The following NTM variants were observed in gnomAD, a reference collection of about 807,000 sequenced individuals.
NTM encodes neurotrimin, also known as IgLON family member 2.
A neutral mutation model predicts 42.1 loss-of-function variants in NTM; 13 were observed. That is an observed-to-expected ratio of 0.31 (90% CI 0.20 to 0.49). The LOEUF (loss-of-function observed/expected upper bound fraction) is 0.49, where lower values mean the gene tolerates loss of function less well. NTM is among the 20% of genes least tolerant of loss of function. The pLI, the probability that NTM is intolerant of heterozygous loss-of-function variation, is 0.99. For synonymous variants in NTM, 187 were observed against 179.2 expected (o/e 1.04, Z -0.35); for missense variants, 373 against 452.8 (o/e 0.82, Z 1.60).
In NTM at chr11:131,994,835, G is replaced by A. The variant is rs75813052; in HGVS notation, c.167+83187G>A. ...CCTCATATTAACAAGGCCCAAACTG[G>A]ACTCTGTATCCAACTTCATATTCTG... On this transcript the variant is annotated intron_variant, in intron 2 of 8. Transcript: ENST00000683400. Among the ~76,000 whole-genome samples, 516 of 152,090 alleles carry A rather than the reference G, an allele frequency of 3.4e-3. 7 individuals carry two copies. Among genetic ancestry groups the A allele is most frequent in the African/African-American group, 0.012 (493 of 41,500 alleles).
intron 1 of NTM, among the ~76,000 whole-genome samples, chr11:131,622,874 T>G (rs2062719706): frequency 6.6e-6 from 1 of 152,198 alleles, no homozygotes; most frequent in African/African-American, 2.4e-5. Flanking sequence ...GCCAACATCA[T>G]GATTTTGCAT....
At chr11:131,489,803 A>T (rs1022126105) in intron 1 of NTM, among the ~76,000 whole-genome samples, 1 of 152,224 alleles carries the variant, frequency 6.6e-6, no homozygotes, top group Non-Finnish European at 1.5e-5. Flanking sequence ...TTCACAATGT[A>T]TTCACTTACC....
chr11:132,178,039 G>A (rs758003943), intron 3 of NTM, among the ~76,000 whole-genome samples: 20 of 152,108 alleles, frequency 1.3e-4, no homozygotes, highest in Non-Finnish European at 2.1e-4. Flanking sequence ...TTGCTGAATC[G>A]CTCACATGAA....
intron 3 of NTM, 122 bp from the exon 4 acceptor site, chr11:132,211,900 T>G: frequency 1.2e-6 from 1 of 839,158 alleles, no homozygotes; most frequent in Non-Finnish European, 1.7e-6. Context: ...TCTAATTTCT[T>G]ATCGTTAACT....
At chr11:132,159,178 C>G (rs1157108657) in intron 3 of NTM, among the ~76,000 whole-genome samples, 1 of 152,144 alleles carries the variant, frequency 6.6e-6, no homozygotes, top group Non-Finnish European at 1.5e-5. Flanking sequence ...GACCAGGAGA[C>G]CCCCCTCTCT....
intron 1 of NTM, among the ~76,000 whole-genome samples, chr11:131,630,286 C>T (rs1277092393): frequency 6.6e-6 from 1 of 152,100 alleles, no homozygotes; most frequent in Non-Finnish European, 1.5e-5. Flanking sequence ...ATCTGATATT[C>T]CCAGGAGTAG....
intron 1 of NTM, among the ~76,000 whole-genome samples, chr11:131,597,693 G>A (rs1009032272): frequency 3.9e-5 from 6 of 152,214 alleles, no homozygotes; most frequent in African/African-American, 1.4e-4. Flanking sequence ...GTGCCCCAGA[G>A]TGAGGGGGAG....
intron 4 of NTM, among the ~76,000 whole-genome samples, chr11:132,267,622 C>A (rs1378835825): frequency 1.3e-5 from 2 of 151,808 alleles, no homozygotes; most frequent in Non-Finnish European, 1.5e-5. Context: ...TCAAGACCAG[C>A]CTGGCTGAAA....
In NTM at chr11:131,818,017, C is replaced by G. The variant is rs186054036; in HGVS notation, c.83-93547C>G. On this transcript the variant is annotated intron_variant, in intron 1 of 8. Coordinates refer to ENST00000683400, the MANE Select transcript of NTM (RefSeq NM_001352005.2). The stretch of plus-strand genomic sequence containing the variant: ...CAGCAACAACACTGAAGATGATAGG[C>G]GGGGGAGCAGGGGTGTTGACAGTAC... 6.4e-3 allele frequency among the ~76,000 whole-genome samples: 976 copies of G among 152,194 alleles called. 4 individuals carry two copies. The highest frequency in any genetic ancestry group is 0.01 in the Middle Eastern group (3 of 294).
chr11:131,887,402 C>T (rs1046970278), intron 1 of NTM, among the ~76,000 whole-genome samples: 9 of 152,146 alleles, frequency 5.9e-5, no homozygotes, highest in Admixed American at 1.3e-4. Context: ...AACTGTCTAG[C>T]GAGCCTTGTG....
At chr11:131,622,870 A>C (rs11222720) in intron 1 of NTM, among the ~76,000 whole-genome samples, 54,082 of 152,112 alleles carry the variant, frequency 0.36, 11,724 homozygotes, top group East Asian at 0.55. Context: ...ATCTGCCAAC[A>C]TCATGATTTT....
At chr11:131,956,368 C>T (rs758989814) in intron 2 of NTM, among the ~76,000 whole-genome samples, 3 of 151,974 alleles carry the variant, frequency 2.0e-5, no homozygotes, top group Non-Finnish European at 2.9e-5. Flanking sequence ...TTTGGGAGTG[C>T]GGGGATATGG....
chr11:131,811,002 A>C (rs1482178839), intron 1 of NTM, among the ~76,000 whole-genome samples: 3 of 152,250 alleles, frequency 2.0e-5, no homozygotes, highest in Admixed American at 2.0e-4. Flanking sequence ...TAAAGTTTAC[A>C]AATGAAATAC....
intron 1 of NTM, among the ~76,000 whole-genome samples, chr11:131,432,999 C>T (rs530085741): frequency 1.2e-4 from 18 of 151,790 alleles, no homozygotes; most frequent in African/African-American, 3.9e-4. Context: ...GGACTGCAGG[C>T]GCCCGCCACC....
chr11:132,238,630 T>C (rs773763572), intron 4 of NTM, among the ~76,000 whole-genome samples: 1 of 152,168 alleles, frequency 6.6e-6, no homozygotes, highest in Non-Finnish European at 1.5e-5. Context: ...GCTGAGCTCA[T>C]AGCAGCCTGC....
chr11:132,244,040 C>G (rs2090654077), intron 4 of NTM, among the ~76,000 whole-genome samples: 1 of 152,352 alleles, frequency 6.6e-6, no homozygotes, highest in Non-Finnish European at 1.5e-5. Context: ...CCAGTTGTCA[C>G]TAATTACACT....
Position 132,084,694 on chromosome 11 carries a change from A to G in NTM, c.168-61588A>G, listed in dbSNP as rs976471006. Reference sequence around the variant, plus strand: ...TTTAGAAAGACAAAAACCTTTACTCATTAAGAGGAAATACTTAGCTTTCCA... The same window carrying G: ...TTTAGAAAGACAAAAACCTTTACTCGTTAAGAGGAAATACTTAGCTTTCCA... On this transcript the variant is annotated intron_variant, in intron 2 of 8. Transcript: ENST00000683400. Among the ~76,000 whole-genome samples the G allele has an allele frequency of 5.3e-5, 8 of 152,214 alleles. No homozygotes were observed. In the East Asian group the frequency reaches 1.5e-3, roughly 29 times the overall value.
At position 132,146,641 on chromosome 11, in the gene NTM, C is replaced by A. The variant is rs2070481354; in HGVS notation, c.400+127C>A. The A allele has an allele frequency of 2.1e-6, 2 of 941,902 alleles. No homozygotes were observed. The highest frequency in any genetic ancestry group is 2.2e-5 in the South Asian group (1 of 46,454). 58.3% of individuals were successfully genotyped at this position (941,902 alleles called of 1,614,324 possible). A position where few individuals can be genotyped will look rare whatever the true frequency, so the allele number is the denominator to read the frequency against. On this transcript the variant is annotated intron_variant, in intron 3 of 8. Coordinates refer to ENST00000683400, the MANE Select transcript of NTM (RefSeq NM_001352005.2). This position sits in a 1 kb window ranked among gnomAD's most constrained non-coding sequence, Gnocchi z 4.5. ...TTCTACGCATCTGGGGTCCAGGGCA[C>A]ATTTCTGGTTGTCATTTTGCAGTTA...
At position 131,479,018 on chromosome 11, in the gene NTM, C is replaced by T. The variant is rs184030768; in HGVS notation, c.82+108130C>T. On this transcript the variant is annotated intron_variant, in intron 1 of 8. Transcript: ENST00000683400. ...AGGGCAGCACTGATTCCTAGTGCCC[C>T]GCACGCCACCTTGCAAAGCCAGGGG... Among the ~76,000 whole-genome samples, 646 of 152,256 alleles carry T rather than the reference C, an allele frequency of 4.2e-3. 2 individuals carry two copies. The highest frequency in any genetic ancestry group is 7.3e-3 in the Non-Finnish European group (497 of 68,030).
Sources: gnomAD v4.1 joint callset for allele counts (sites outside exome capture counted in the v4.1 genomes callset) on GRCh38, gnomAD v4.1.1 for gene constraint, Gnocchi (gnomAD v3.1) non-coding constraint, MANE v1.5 for transcripts, NCBI Gene and HGNC (gene_info 2026-07-23, HGNC 2026-07-21) for gene names.